METTL25: variants seen among roughly 807,000 people sequenced by gnomAD.
The protein encoded by METTL25 is methyltransferase like 25.
A neutral mutation model predicts 71.6 loss-of-function variants in METTL25; 64 were observed. The observed-to-expected ratio is 0.89, with a 90% confidence interval of 0.73 to 1.10. The LOEUF (loss-of-function observed/expected upper bound fraction) is 1.10. Among genes scored for constraint, METTL25 ranks in the 50% least tolerant of loss-of-function variants. METTL25 has a pLI of 0.00. For synonymous variants in METTL25, 287 were observed against 250.3 expected, an observed-to-expected ratio of 1.15 and a Z score of -1.38; for missense variants, 807 against 707.0, an observed-to-expected ratio of 1.14 and a Z score of -1.60.
At chr12:82,461,328 GC>G (rs1891863811) in intron 9 of METTL25, among the ~76,000 whole-genome samples, 1 of 152,176 alleles carries the variant, frequency 6.6e-6, no homozygotes, top group African/African-American at 2.4e-5. Flanking sequence ...CAGGCACTGT[GC>G]TAAAAGCTTT....
chr12:82,416,135 A>G (rs377730405), intron 5 of METTL25, among the ~76,000 whole-genome samples: 41 of 152,272 alleles, frequency 2.7e-4, no homozygotes, highest in African/African-American at 9.4e-4. Flanking sequence ...GTTAATTGCC[A>G]TGAACATATA....
At chr12:82,410,037 TA>T (rs1044010067) in intron 5 of METTL25, among the ~76,000 whole-genome samples, 3 of 152,104 alleles carry the variant, frequency 2.0e-5, no homozygotes, top group African/African-American at 7.2e-5. Context: ...TGTTGAGGTT[TA>T]AAAATTGTTC....
At chr12:82,435,695 T>G (rs1418871255) in intron 7 of METTL25, among the ~76,000 whole-genome samples, 1 of 151,280 alleles carries the variant, frequency 6.6e-6, no homozygotes. Flanking sequence ...AAAAGTGGAG[T>G]GATAATAATA....
rs549105540 is a variant in METTL25 at position 82,389,699 on chromosome 12, C to T, written c.425-117C>T. On this transcript the variant is annotated intron_variant, in intron 2 of 11. Transcript: ENST00000248306. The stretch of plus-strand genomic sequence containing the variant: ...AGCTAGTAGAGATCTATCCAGAAAC[C>T]ACAGTAGAATCTCTGTATTATTTTC... 50 of 592,458 alleles carry T rather than the reference C, an allele frequency of 8.4e-5. No homozygotes were observed. In the East Asian group the frequency reaches 1.5e-3, roughly 18 times the overall value. The allele number at this position is 592,458 out of a possible 1,614,324, so 36.7% of individuals were successfully genotyped here.
intron 6 of METTL25, among the ~76,000 whole-genome samples, chr12:82,432,922 A>G (rs1889632409): frequency 6.6e-6 from 1 of 151,466 alleles, no homozygotes; most frequent in African/African-American, 2.4e-5. Flanking sequence ...CTTTCAGATA[A>G]ACAGTTAAGG....
intron 8 of METTL25, among the ~76,000 whole-genome samples, chr12:82,443,630 A>G (rs917334537): frequency 6.6e-6 from 1 of 152,180 alleles, no homozygotes; most frequent in Admixed American, 6.5e-5. Flanking sequence ...AGTTAAGCAG[A>G]CTATACAAGA....
At chr12:82,360,364 C>A (rs1157985288) in intron 1 of METTL25, among the ~76,000 whole-genome samples, 1 of 151,642 alleles carries the variant, frequency 6.6e-6, no homozygotes, top group African/African-American at 2.4e-5. Context: ...CTGTTATTGT[C>A]GATTTGTGGA....
intron 5 of METTL25, among the ~76,000 whole-genome samples, chr12:82,430,623 C>A (rs1251979471): frequency 6.6e-6 from 1 of 151,630 alleles, no homozygotes; most frequent in African/African-American, 2.4e-5. Context: ...TTTTAAATTG[C>A]TAAATCTTAC....
At chr12:82,440,501 A>G (rs1030160542) in intron 8 of METTL25, among the ~76,000 whole-genome samples, 10 of 152,048 alleles carry the variant, frequency 6.6e-5, no homozygotes, top group African/African-American at 1.9e-4. Context: ...TCTAGAAATG[A>G]TACTTGATTC....
intron 1 of METTL25, among the ~76,000 whole-genome samples, chr12:82,363,235 T>C (rs1356766674): frequency 1.3e-5 from 2 of 152,190 alleles, no homozygotes; most frequent in Non-Finnish European, 2.9e-5. Context: ...CAAAAAACTT[T>C]TGAGAGGCAG....
chr12:82,445,371 A>T (rs1383286455), intron 8 of METTL25, among the ~76,000 whole-genome samples: 2 of 152,118 alleles, frequency 1.3e-5, no homozygotes, highest in Non-Finnish European at 2.9e-5. Flanking sequence ...AATGTAAACT[A>T]ATGTAAGTAT....
chr12:82,457,459 AAT>A (rs551197105), intron 9 of METTL25, among the ~76,000 whole-genome samples: 116 of 152,152 alleles, frequency 7.6e-4, no homozygotes, highest in African/African-American at 2.7e-3. Context: ...AAAGGAATGA[AAT>A]AGATTTCTTG....
intron 5 of METTL25, among the ~76,000 whole-genome samples, chr12:82,406,748 A>C (rs1451247594): frequency 6.6e-6 from 1 of 152,142 alleles, no homozygotes; most frequent in East Asian, 1.9e-4. Flanking sequence ...ACAGGGTATT[A>C]CATCTGTTAT....
At chr12:82,428,190 G>A (rs1889193342) in intron 5 of METTL25, among the ~76,000 whole-genome samples, 3 of 151,802 alleles carry the variant, frequency 2.0e-5, no homozygotes. Flanking sequence ...TATAATTTCT[G>A]CCCACATTCA....
rs184738216 is a variant in METTL25 at position 82,455,642 on chromosome 12, G to A, written c.1479-1085G>A. 8.5e-5 allele frequency among the ~76,000 whole-genome samples: 13 copies of A among 152,058 alleles called. No individual in the cohort carries two copies. The South Asian group carries it at 1.0e-3, about 12-fold the overall frequency. On this transcript the variant is annotated intron_variant, in intron 8 of 11. Transcript: ENST00000248306. Reference sequence around the variant, plus strand: ...TTAAGAGGAAACTGCATGAGCAAATGTACCAAGGCAGAAATGTGGAAGACA... The same window carrying A: ...TTAAGAGGAAACTGCATGAGCAAATATACCAAGGCAGAAATGTGGAAGACA...
chr12:82,370,330 C>T (rs1049734366), intron 1 of METTL25, among the ~76,000 whole-genome samples: 12 of 152,046 alleles, frequency 7.9e-5, no homozygotes, highest in Non-Finnish European at 1.2e-4. Flanking sequence ...ATATAGGGCC[C>T]GAAGGTGAGT....
At chr12:82,368,258 A>T (rs1369795099) in intron 1 of METTL25, among the ~76,000 whole-genome samples, 1 of 152,238 alleles carries the variant, frequency 6.6e-6, no homozygotes, top group Non-Finnish European at 1.5e-5. Context: ...GTAGAAAAAT[A>T]GCCACTGCCA....
intron 9 of METTL25, among the ~76,000 whole-genome samples, chr12:82,469,367 G>T (rs1207195421): frequency 7.9e-5 from 12 of 152,000 alleles, no homozygotes; most frequent in Admixed American, 7.9e-4. Flanking sequence ...CCTTAGGGCT[G>T]GGGAGTCTTC....
At chr12:82,435,074 T>C (rs987843299) in intron 7 of METTL25, among the ~76,000 whole-genome samples, 11 of 151,550 alleles carry the variant, frequency 7.3e-5, no homozygotes, top group Admixed American at 5.3e-4. Flanking sequence ...ATTTTAACTA[T>C]AGTCCAAAAC....
Sources: allele counts gnomAD v4.1 joint callset (sites outside exome capture counted in the v4.1 genomes callset), GRCh38; gene constraint gnomAD v4.1.1; transcripts MANE v1.5; gene names NCBI Gene and HGNC (gene_info 2026-07-23, HGNC 2026-07-21).